Variants in UBAP2 observed in about 807,000 individuals in gnomAD.
UBAP2 encodes ubiquitin-associated protein 2.
In UBAP2, 75 loss-of-function variants were observed where a neutral mutation model predicts 139.6. That is an observed-to-expected ratio of 0.54 (90% CI 0.45 to 0.65). The LOEUF (loss-of-function observed/expected upper bound fraction) is 0.65. Ranked by LOEUF, UBAP2 falls within the 30% of genes least tolerant of loss-of-function variation. The pLI is 0.00. For missense variants in UBAP2, 1,368 were observed against 1,369.6 expected (o/e 1.00, Z 0.02); for synonymous variants, 526 against 526.2 (o/e 1.00, Z 0.01).
chr9:33,996,234 T>C lies in UBAP2; in HGVS notation c.277A>G (p.Asn93Asp). ...NKAINILLEG[N>D]SDTTSWETVG... The stretch of plus-strand genomic sequence containing the variant: ...TTAATAATACTTACTGTGTCTGAAT[T>C]CCCTTCCAGCAATATATTGATAGCT... Residue 93 changes from asparagine (N) to aspartate (D), a missense_variant, in exon 4 of 29, where the codon AAT becomes GAT. By Grantham distance (23) the Asn-to-Asp change is conservative. Coordinates refer to ENST00000379238, the MANE Select transcript of UBAP2 (RefSeq NM_001370062.2). 6.2e-7 allele frequency: 1 copy of C among 1,610,430 alleles called. No individual in the cohort carries two copies. Among genetic ancestry groups the C allele is most frequent in the South Asian group, 1.1e-5 (1 of 90,826 alleles).
chr9:33,967,853 A>C (rs1406513216), intron 8 of UBAP2, among the ~76,000 whole-genome samples: 1 of 152,256 alleles, frequency 6.6e-6, no homozygotes, highest in East Asian at 1.9e-4. Context: ...CATTGATGTC[A>C]ATAGGTCAGC....
chr9:34,038,949 A>G (rs1035887258), intron 1 of UBAP2, among the ~76,000 whole-genome samples: 16 of 142,640 alleles, frequency 1.1e-4, no homozygotes, highest in African/African-American at 3.9e-4. Flanking sequence ...CTGGGATGTG[A>G]GGAGCGCCTC....
chr9:33,993,224 A>G (rs1265717866), intron 4 of UBAP2, among the ~76,000 whole-genome samples: 3 of 152,220 alleles, frequency 2.0e-5, no homozygotes, highest in Non-Finnish European at 4.4e-5. Context: ...GTTTCAGCAC[A>G]GAGGAAGGTT....
chr9:34,009,474 G>C (rs1587653608), intron 2 of UBAP2, among the ~76,000 whole-genome samples: 2 of 152,176 alleles, frequency 1.3e-5, no homozygotes, highest in Middle Eastern at 3.4e-3. Context: ...GGCCCAGGAT[G>C]GTCTTGAACT....
chr9:33,958,874 C>A (rs1465078365), intron 10 of UBAP2, among the ~76,000 whole-genome samples: 2 of 151,964 alleles, frequency 1.3e-5, no homozygotes, highest in African/African-American at 4.8e-5. Context: ...AAAGGCCGGG[C>A]GCAGTGGCTC....
At position 33,953,478 on chromosome 9, in the gene UBAP2, A is replaced by T. The variant is rs527704903; in HGVS notation, c.867-4T>A. On this transcript the variant is annotated splice_polypyrimidine_tract_variant and splice_region_variant and intron_variant, in intron 11 of 28. Transcript: ENST00000379238. ...GAGCAAGGCTACCAGATCAATGCTAAGCAGACAAAAAGCAATGAGGAACCA... is the reference window on the plus strand; with the variant it reads ...GAGCAAGGCTACCAGATCAATGCTATGCAGACAAAAAGCAATGAGGAACCA... The T allele has an allele frequency of 1.2e-6, 2 of 1,609,540 alleles. No individual in the cohort carries two copies. The highest frequency in any genetic ancestry group is 3.4e-5 in the Admixed American group (2 of 58,844).
intron 2 of UBAP2, among the ~76,000 whole-genome samples, chr9:34,004,532 C>T (rs1823008199): frequency 6.6e-6 from 1 of 152,088 alleles, no homozygotes; most frequent in Non-Finnish European, 1.5e-5. Context: ...CCTATAATCC[C>T]AGCACTTTGG....
intron 1 of UBAP2, among the ~76,000 whole-genome samples, chr9:34,028,618 G>A (rs1220668060): frequency 1.3e-5 from 2 of 151,886 alleles, no homozygotes; most frequent in Non-Finnish European, 2.9e-5. Flanking sequence ...GACCTTAAGT[G>A]ATCCGCCTAC....
rs1331389238 is a variant in UBAP2, at chr9:33,981,167, TATATATATATATTCTGG to T, written c.520+5576_520+5592del. Among the ~76,000 whole-genome samples, 9 of 42,374 alleles carry T rather than the reference TATATATATATATTCTGG, an allele frequency of 2.1e-4. 2 individuals are homozygous for T. In the East Asian group the frequency reaches 2.5e-3, roughly 12 times the overall value. The allele number at this position is 42,374 out of a possible 152,430, so 27.8% of individuals were successfully genotyped here. A position where few individuals can be genotyped will look rare whatever the true frequency, so the allele number is the denominator to read the frequency against. ...GATATATATATATATATTCTGGATA[TATATATATATATTCTGG>T]ATATATATATATATATTCTGGATAT... On this transcript the variant is annotated intron_variant, in intron 6 of 28. Coordinates refer to ENST00000379238, the MANE Select transcript of UBAP2 (RefSeq NM_001370062.2).
In UBAP2 at chr9:34,003,069, T is replaced by TC. The variant is rs1464207901; in HGVS notation, c.100-4206_100-4205insG. ...TTCTTTTCTTTCGTTGTTTTTTTTT[T>TC]TCTTTTTTTGAGACGAAGTCTCCCT... On this transcript the variant is annotated intron_variant, in intron 2 of 28. Transcript: ENST00000379238. Among the ~76,000 whole-genome samples the TC allele has an allele frequency of 8.6e-5, 13 of 151,994 alleles. No individual in the cohort carries two copies. In the South Asian group the frequency reaches 2.7e-3, roughly 32 times the overall value.
At chr9:33,987,030 G>C (rs72727389) in intron 5 of UBAP2, among the ~76,000 whole-genome samples, 193 bp from the exon 6 acceptor site, 11,977 of 152,040 alleles carry the variant, frequency 0.079, 680 homozygotes, top group Non-Finnish European at 0.12. Flanking sequence ...GCTTACACTT[G>C]TAATTCCAGC....
chr9:33,941,728 T>C lies in UBAP2; in HGVS notation c.1850A>G (p.Tyr617Cys), dbSNP rs112347423. 8 of 1,614,118 alleles carry C rather than the reference T, an allele frequency of 5.0e-6. No individual in the cohort carries two copies. In the African/African-American group the frequency reaches 5.3e-5, roughly 11 times the overall value. Residue 617 changes from tyrosine to cysteine, a missense_variant, in exon 16 of 29, where the codon TAT (tyrosine) becomes TGT (cysteine). Tyr to Cys is a radical substitution (Grantham distance 194). Transcript: ENST00000379238. ...CCTGTTATGCACAGAACTCTGGTCA[T>C]AAGAGGAAGACATTGCTACTGGACT... ...SASPVAMSSS[Y>C]DQSSVHNRIP...
At chr9:33,930,861 A>C (rs1218668467) in intron 19 of UBAP2, among the ~76,000 whole-genome samples, 4 of 140,302 alleles carry the variant, frequency 2.9e-5, no homozygotes, top group African/African-American at 5.4e-5. Context: ...GCGCCATTGC[A>C]CTCCAGCCTA....
At chr9:33,971,984 G>A (rs1241701044) in intron 7 of UBAP2, among the ~76,000 whole-genome samples, 1 of 152,164 alleles carries the variant, frequency 6.6e-6, no homozygotes, top group Non-Finnish European at 1.5e-5. Context: ...TGGTATAATA[G>A]CCTTATTTTC....
Position 33,960,846 on chromosome 9 carries a change from T to C in UBAP2, c.778A>G (p.Thr260Ala), listed in dbSNP as rs773435837. ...AWKNSVEEWTTEDWTEDLSET... is the reference protein window; with the variant it reads ...AWKNSVEEWTAEDWTEDLSET... The stretch of plus-strand genomic sequence containing the variant: ...CTTACATCTTCAGTCCAGTCTTCTG[T>C]TGTCCACTCTTCCACAGAATTCTTC... The change falls in exon 10 of 29, where the codon ACA becomes GCA. Residue 260 changes from threonine to alanine, a missense_variant. Transcript: ENST00000379238. 5 of 1,613,428 alleles carry C rather than the reference T, an allele frequency of 3.1e-6. No homozygotes were observed. The African/African-American group carries it at 5.4e-5, about 17-fold the overall frequency.
intron 12 of UBAP2, among the ~76,000 whole-genome samples, chr9:33,950,259 G>T (rs1037129713): frequency 6.6e-6 from 1 of 152,000 alleles, no homozygotes; most frequent in Non-Finnish European, 1.5e-5. Flanking sequence ...TTTTAGTAGA[G>T]ACGGGGTTTC....
Position 34,017,184 on chromosome 9 carries a change from G to C in UBAP2, c.-36C>G. On this transcript the variant is annotated 5_prime_UTR_variant, in exon 2 of 29. Coordinates refer to ENST00000379238, the MANE Select transcript of UBAP2 (RefSeq NM_001370062.2). ...TACAAAATAATGTATGTACAAAATA[G>C]AAAATCTGCAAGAAAGTAGGGATGG... 6.9e-7 allele frequency: 1 copy of C among 1,454,412 alleles called. No individual in the cohort carries two copies. Among genetic ancestry groups the C allele is most frequent in the Non-Finnish European group, 9.3e-7 (1 of 1,076,402 alleles). The allele number at this position is 1,454,412 out of a possible 1,614,324, so 90.1% of individuals were successfully genotyped here. A position where few individuals can be genotyped will look rare whatever the true frequency, so the allele number is the denominator to read the frequency against.
chr9:33,953,687 G>GAA (rs1826296523), intron 11 of UBAP2, among the ~76,000 whole-genome samples: 1 of 152,020 alleles, frequency 6.6e-6, no homozygotes, highest in Admixed American at 6.6e-5. Context: ...GCAGAGAAGA[G>GAA]AATCAAAAGG....
intron 4 of UBAP2, among the ~76,000 whole-genome samples, chr9:33,992,499 G>A (rs947229832): frequency 2.0e-5 from 3 of 151,864 alleles, no homozygotes; most frequent in Non-Finnish European, 4.4e-5. Flanking sequence ...GGCAGAGGTT[G>A]CAGTGAGCTG....
Sources: gnomAD v4.1 joint callset for allele counts (sites outside exome capture counted in the v4.1 genomes callset) on GRCh38, gnomAD v4.1.1 for gene constraint, MANE v1.5 for transcripts, NCBI Gene and HGNC (gene_info 2026-07-23, HGNC 2026-07-21) for gene names.